PHF2: variants seen among roughly 807,000 people sequenced by gnomAD.
PHF2 encodes PHD finger protein 2, also known as lysine-specific demethylase PHF2.
Under a neutral mutation model 120.5 loss-of-function variants are expected in PHF2, and 27 were observed. The observed-to-expected ratio is 0.22, with a 90% CI of 0.17 to 0.31. The LOEUF is 0.31. PHF2 is among the 10% of genes least tolerant of loss of function. The pLI is 1.00. For missense variants in PHF2, 1,024 were observed against 1,434.8 expected, an observed-to-expected ratio of 0.71 and a Z score of 4.63; for synonymous variants, 568 against 592.5, an observed-to-expected ratio of 0.96 and a Z score of 0.60.
At chr9:93,657,102 C>T (rs1826474887) in intron 9 of PHF2, among the ~76,000 whole-genome samples, 2 of 152,134 alleles carry the variant, frequency 1.3e-5, no homozygotes. Context: ...TGCCTGGCCA[C>T]ACCCTCAGAG....
intron 1 of PHF2, among the ~76,000 whole-genome samples, chr9:93,590,575 A>G (rs950551080): frequency 6.6e-6 from 1 of 152,228 alleles, no homozygotes; most frequent in Non-Finnish European, 1.5e-5. Flanking sequence ...TATTTTCCCC[A>G]TAAACTTTTA....
intron 1 of PHF2, among the ~76,000 whole-genome samples, chr9:93,606,739 G>A (rs975694221): frequency 6.6e-5 from 10 of 152,088 alleles, no homozygotes; most frequent in African/African-American, 2.2e-4. Flanking sequence ...TTCATGGATC[G>A]TGTGCTTGGT....
chr9:93,613,560 CTTTT>C (rs201420565), intron 1 of PHF2, among the ~76,000 whole-genome samples: 3 of 129,042 alleles, frequency 2.3e-5, no homozygotes, highest in Admixed American at 7.8e-5. Flanking sequence ...TTTTCTTTTT[CTTTT>C]TTTTTTTTTT....
chr9:93,585,902 G>A (rs1249950372), intron 1 of PHF2, among the ~76,000 whole-genome samples: 5 of 152,236 alleles, frequency 3.3e-5, no homozygotes, highest in South Asian at 2.1e-4. Flanking sequence ...TGGGAAGGCA[G>A]CGTCAAGTGG....
chr9:93,645,470 G>A (rs750848520), intron 3 of PHF2, among the ~76,000 whole-genome samples, 159 bp from the exon 4 acceptor site: 3 of 152,192 alleles, frequency 2.0e-5, no homozygotes, highest in Non-Finnish European at 2.9e-5. Context: ...CTGCTCTATC[G>A]TCCCATTTGT....
rs1826695323 is a variant in PHF2, at chr9:93,667,076, G to A, written c.2188-4G>A. On this transcript the variant is annotated splice_region_variant and splice_polypyrimidine_tract_variant and intron_variant, in intron 16 of 21. Coordinates refer to ENST00000359246, the MANE Select transcript of PHF2 (RefSeq NM_005392.4). ...TGACCGAAGCCCTGTCCCTCGCGCA[G>A]CAGAGTGATGACTCCTCGGACGAGG... 1.2e-6 allele frequency: 2 copies of A among 1,611,344 alleles called. No homozygotes were observed. The highest frequency in any genetic ancestry group is 8.5e-7 in the Non-Finnish European group (1 of 1,179,296).
Position 93,678,385 on chromosome 9 carries a change from A to T in PHF2, c.*709A>T, listed in dbSNP as rs1197796535. ...CAGGAAAGGGCAAGGGCTCAGCCAC[A>T]TCTTGGGGTCTGGGAGGCCCAGGCT... is the stretch of plus-strand genomic sequence containing the variant. On this transcript the variant is annotated 3_prime_UTR_variant, in exon 22 of 22. Coordinates refer to ENST00000359246, the MANE Select transcript of PHF2 (RefSeq NM_005392.4). 2 of 152,604 alleles carry T rather than the reference A, an allele frequency of 1.3e-5. No homozygotes were observed. The highest frequency in any genetic ancestry group is 2.9e-5 in the Non-Finnish European group (2 of 68,122). The allele number at this position is 152,604 out of a possible 1,614,324, so 9.5% of individuals were successfully genotyped here. A position where few individuals can be genotyped will look rare whatever the true frequency, so the allele number is the denominator to read the frequency against.
intron 1 of PHF2, among the ~76,000 whole-genome samples, chr9:93,602,505 G>C (rs1412004089): frequency 4.6e-5 from 7 of 151,908 alleles, no homozygotes; most frequent in Non-Finnish European, 7.4e-5. Flanking sequence ...CACCCACCTC[G>C]GCCTCCCAAA....
At chr9:93,580,423 C>T (rs1587657047) in intron 1 of PHF2, among the ~76,000 whole-genome samples, 1 of 152,312 alleles carries the variant, frequency 6.6e-6, no homozygotes, top group South Asian at 2.1e-4. Context: ...CATAAAGCCA[C>T]TTGGGCCGTA....
chr9:93,653,362 C>G lies in PHF2; in HGVS notation c.786C>G (p.Leu262=), dbSNP rs759675727. The change falls in exon 6 of 22, where the codon CTC becomes CTG. Residue 262 remains leucine, a synonymous_variant. Transcript: ENST00000359246. ...GCGCCTCTGCCTGGTACCACGTGCT[C>G]AAGGTGAGCCACGCCCCTCGGGGCA... ...SGGASAWYHV[L]KGEKTFYLIR... 1 of 1,613,248 alleles carries G rather than the reference C, an allele frequency of 6.2e-7. No individual in the cohort carries two copies. The highest frequency in any genetic ancestry group is 8.5e-7 in the Non-Finnish European group (1 of 1,179,898).
chr9:93,649,791 A>T (rs1240596026), intron 5 of PHF2, among the ~76,000 whole-genome samples: 4 of 152,092 alleles, frequency 2.6e-5, no homozygotes, highest in Admixed American at 6.5e-5. Flanking sequence ...TCACCCATAG[A>T]TATGTCACAC....
chr9:93,651,061 G>A (rs1364813588), intron 5 of PHF2, among the ~76,000 whole-genome samples: 2 of 150,234 alleles, frequency 1.3e-5, no homozygotes, highest in Non-Finnish European at 2.9e-5. Flanking sequence ...CAACCAGCCT[G>A]GGCAACAAAG....
chr9:93,647,461 T>C (rs1826281671), intron 4 of PHF2, among the ~76,000 whole-genome samples: 1 of 152,212 alleles, frequency 6.6e-6, no homozygotes. Context: ...AATTTTTTTT[T>C]ATGATGGAAC....
intron 4 of PHF2, among the ~76,000 whole-genome samples, chr9:93,646,162 G>C (rs1412982586): frequency 6.6e-6 from 1 of 152,224 alleles, no homozygotes; most frequent in Non-Finnish European, 1.5e-5. Context: ...TTAGGGGCCT[G>C]GCCTTCCTCA....
At chr9:93,586,854 G>C (rs1587662124) in intron 1 of PHF2, among the ~76,000 whole-genome samples, 1 of 152,324 alleles carries the variant, frequency 6.6e-6, no homozygotes, top group Non-Finnish European at 1.5e-5. Flanking sequence ...GACAGGGTTG[G>C]GGTGGCATGG....
rs959468368 is a variant in PHF2 at position 93,594,145 on chromosome 9, G to A, written c.98+17274G>A. Among the ~76,000 whole-genome samples, 9 of 151,896 alleles carry A rather than the reference G, an allele frequency of 5.9e-5. No individual in the cohort carries two copies. The South Asian group carries it at 1.0e-3, about 18-fold the overall frequency. On this transcript the variant is annotated intron_variant, in intron 1 of 21. Coordinates refer to ENST00000359246, the MANE Select transcript of PHF2 (RefSeq NM_005392.4). ...GTGGGTGAGGACACCTCACCCTTCC[G>A]GAGATATCTGCCCTTCCGGCACACC...
At chr9:93,644,559 C>T (rs559588182) in intron 3 of PHF2, among the ~76,000 whole-genome samples, 9 of 152,290 alleles carry the variant, frequency 5.9e-5, no homozygotes, top group Non-Finnish European at 1.0e-4. Context: ...GCACTCCTCC[C>T]CTCGGCCCTG....
chr9:93,634,222 C>T (rs1269379647), intron 2 of PHF2, among the ~76,000 whole-genome samples: 1 of 152,234 alleles, frequency 6.6e-6, no homozygotes, highest in East Asian at 1.9e-4. Flanking sequence ...GAGCCCCTTG[C>T]TCCCTTGATA....
At chr9:93,590,707 A>C (rs557046932) in intron 1 of PHF2, among the ~76,000 whole-genome samples, 5 of 152,206 alleles carry the variant, frequency 3.3e-5, no homozygotes, top group Non-Finnish European at 7.3e-5. Flanking sequence ...GCCAGTGTCC[A>C]TTCCCACCAA....
Sources: gnomAD v4.1 joint callset for allele counts (sites outside exome capture counted in the v4.1 genomes callset) on GRCh38, gnomAD v4.1.1 for gene constraint, MANE v1.5 for transcripts, NCBI Gene and HGNC (gene_info 2026-07-23, HGNC 2026-07-21) for gene names.